Variants in RASA2 observed in about 807,000 individuals in gnomAD.
RASA2 encodes RAS p21 protein activator 2, also known as ras GTPase-activating protein 2.
A neutral mutation model predicts 118.2 loss-of-function variants in RASA2; 155 were observed. The observed-to-expected ratio is 1.31, with a 90% CI of 1.15 to 1.50. RASA2 has a LOEUF of 1.50. RASA2 is among the 40% of genes most tolerant of loss of function. RASA2 has a pLI of 0.00. For missense variants in RASA2, 1,016 were observed against 1,009.6 expected, an observed-to-expected ratio of 1.01 and a Z score of -0.09; for synonymous variants, 353 against 349.1, an observed-to-expected ratio of 1.01 and a Z score of -0.12.
At chr3:141,557,394 AAG>A (rs1197728544) in intron 7 of RASA2, among the ~76,000 whole-genome samples, 1 of 152,198 alleles carries the variant, frequency 6.6e-6, no homozygotes, top group African/African-American at 2.4e-5. Flanking sequence ...AGATTGAGGA[AAG>A]AGAGTATTAG....
Position 141,527,584 on chromosome 3 carries a change from G to A in RASA2, c.356-2124G>A, listed in dbSNP as rs142959845. On this transcript the variant is annotated intron_variant, in intron 3 of 23. Coordinates refer to ENST00000286364, the MANE Select transcript of RASA2 (RefSeq NM_006506.5). Reference sequence around the variant, plus strand: ...ATTTATGTCTGGTGTGGAATCTGTGGTAATTAGGACTACTTGATAGAATTA... The same window carrying A: ...ATTTATGTCTGGTGTGGAATCTGTGATAATTAGGACTACTTGATAGAATTA... Among the ~76,000 whole-genome samples, 650 of 152,102 alleles carry A rather than the reference G, an allele frequency of 4.3e-3. 5 individuals are homozygous for A. The highest frequency in any genetic ancestry group is 9.4e-3 in the Admixed American group (144 of 15,288).
chr3:141,600,467 TAGAC>T (rs1429688260), intron 19 of RASA2: 2 of 355,660 alleles, frequency 5.6e-6, no homozygotes, highest in African/African-American at 2.2e-5. Flanking sequence ...CGCTCCTTAT[TAGAC>T]AGCTCGGCGA....
intron 9 of RASA2, among the ~76,000 whole-genome samples, chr3:141,568,451 G>C (rs541322740): frequency 6.6e-6 from 1 of 151,920 alleles, no homozygotes; most frequent in South Asian, 2.1e-4. Flanking sequence ...TAAGAGAAGC[G>C]GAGGTGCAGA....
At chr3:141,521,115 G>T (rs1170716446) in intron 3 of RASA2, among the ~76,000 whole-genome samples, 1 of 152,204 alleles carries the variant, frequency 6.6e-6, no homozygotes, top group Non-Finnish European at 1.5e-5. Context: ...CATCTTAGTG[G>T]ACATGTTGGT....
intron 15 of RASA2, among the ~76,000 whole-genome samples, chr3:141,577,321 T>G (rs1166161895): frequency 4.6e-5 from 7 of 152,146 alleles, no homozygotes; most frequent in African/African-American, 1.7e-4. Flanking sequence ...AGTAATAAAA[T>G]GTTGTTAATT....
intron 7 of RASA2, among the ~76,000 whole-genome samples, chr3:141,557,659 G>C (rs960848913): frequency 3.9e-5 from 6 of 152,158 alleles, no homozygotes; most frequent in Non-Finnish European, 8.8e-5. Flanking sequence ...GGTCCAGGTG[G>C]CTTAGGGAGA....
At chr3:141,583,220 T>G (rs1428915605) in intron 17 of RASA2, among the ~76,000 whole-genome samples, 2 of 152,104 alleles carry the variant, frequency 1.3e-5, no homozygotes, top group African/African-American at 4.8e-5. Flanking sequence ...GGTCAGGAGT[T>G]GGAGACCAGC....
In RASA2 at chr3:141,553,958, A is replaced by G; in HGVS notation, c.611+18A>G. On this transcript the variant is annotated intron_variant, in intron 6 of 23. Transcript: ENST00000286364. ...CCTTCTAGGTAATATTTATTGAATT[A>G]TTATTAGGTTTTAAAGTTTTGATGT... is the stretch of plus-strand genomic sequence containing the variant. The G allele has an allele frequency of 6.3e-7, 1 of 1,589,444 alleles. No individual in the cohort carries two copies. The highest frequency in any genetic ancestry group is 8.5e-7 in the Non-Finnish European group (1 of 1,172,116).
chr3:141,594,163 A>G (rs1341485718), intron 19 of RASA2, among the ~76,000 whole-genome samples: 1 of 152,158 alleles, frequency 6.6e-6, no homozygotes, highest in Non-Finnish European at 1.5e-5. Context: ...CCTGACATCA[A>G]AAATCTGATG....
intron 4 of RASA2, among the ~76,000 whole-genome samples, chr3:141,537,227 C>G (rs1251437852): frequency 6.6e-6 from 1 of 151,922 alleles, no homozygotes; most frequent in Non-Finnish European, 1.5e-5. Flanking sequence ...ACTCCAGTTA[C>G]ATGAATAATA....
chr3:141,511,923 T>C (rs1359117289), intron 1 of RASA2, among the ~76,000 whole-genome samples: 1 of 152,028 alleles, frequency 6.6e-6, no homozygotes, highest in Non-Finnish European at 1.5e-5. Flanking sequence ...TACCCTTTCA[T>C]AGGAGTGGGG....
At chr3:141,584,551 A>G (rs888447892) in intron 17 of RASA2, among the ~76,000 whole-genome samples, 4 of 152,158 alleles carry the variant, frequency 2.6e-5, no homozygotes, top group African/African-American at 9.7e-5. Flanking sequence ...GATTTCGATT[A>G]TCCCAGATAA....
Position 141,491,096 on chromosome 3 carries a change from T to G in RASA2, c.133+3880T>G, listed in dbSNP as rs191584423. 3.6e-4 allele frequency among the ~76,000 whole-genome samples: 55 copies of G among 152,346 alleles called. No individual in the cohort carries two copies. The East Asian group carries it at 8.5e-3, about 24-fold the overall frequency. On this transcript the variant is annotated intron_variant, in intron 1 of 23. Transcript: ENST00000286364. ...ACCTATATTCTTCTTTAAACGTTGTTAATTAATCTTCATATGGCGTTAGCC... is the reference window on the plus strand; with the variant it reads ...ACCTATATTCTTCTTTAAACGTTGTGAATTAATCTTCATATGGCGTTAGCC...
intron 19 of RASA2, among the ~76,000 whole-genome samples, chr3:141,587,725 A>AAT (rs894324554): frequency 9.9e-5 from 15 of 151,598 alleles, no homozygotes; most frequent in African/African-American, 3.4e-4. Context: ...AAAAAAAAAA[A>AAT]AAAAAAAAGG....
In RASA2 at chr3:141,613,780, G is replaced by T. The variant is rs577878663; in HGVS notation, c.*1467G>T. The T allele has an allele frequency of 2.6e-5, 4 of 152,136 alleles. No homozygotes were observed. The highest frequency in any genetic ancestry group is 2.6e-4 in the Admixed American group (4 of 15,272). The allele number at this position is 152,136 out of a possible 1,614,324, so 9.4% of individuals were successfully genotyped here. A position where few individuals can be genotyped will look rare whatever the true frequency, so the allele number is the denominator to read the frequency against. On this transcript the variant is annotated 3_prime_UTR_variant, in exon 24 of 24. Transcript: ENST00000286364. ...TAGGTAATTATTTTTAAAGACTACT[G>T]GCATACAATCAAAGTTGTTCCATAA...
intron 23 of RASA2, among the ~76,000 whole-genome samples, chr3:141,611,502 T>C (rs2083651209): frequency 6.6e-6 from 1 of 152,120 alleles, no homozygotes; most frequent in Non-Finnish European, 1.5e-5. Context: ...GGAACAGTGT[T>C]TGCCACAGTG....
chr3:141,511,766 G>C (rs2081954408), intron 1 of RASA2, among the ~76,000 whole-genome samples: 1 of 151,880 alleles, frequency 6.6e-6, no homozygotes, highest in Non-Finnish European at 1.5e-5. Flanking sequence ...TTTTTAAGTT[G>C]AGAAATTCCC....
intron 1 of RASA2, among the ~76,000 whole-genome samples, chr3:141,511,161 AAGAG>A (rs943599897): frequency 4.6e-5 from 7 of 152,156 alleles, no homozygotes; most frequent in Non-Finnish European, 1.0e-4. Context: ...TGGTGAGAGT[AAGAG>A]AGAAAAATGG....
chr3:141,528,503 A>G (rs1318640562), intron 3 of RASA2, among the ~76,000 whole-genome samples: 1 of 151,914 alleles, frequency 6.6e-6, no homozygotes, highest in Admixed American at 6.6e-5. Flanking sequence ...GGTTCTTGTA[A>G]CTTTTCTCTG....
Sources: allele counts gnomAD v4.1 joint callset (sites outside exome capture counted in the v4.1 genomes callset), GRCh38; gene constraint gnomAD v4.1.1; transcripts MANE v1.5; gene names NCBI Gene and HGNC (gene_info 2026-07-23, HGNC 2026-07-21).